PEX5L: variants seen among roughly 807,000 people sequenced by gnomAD.
The protein encoded by PEX5L is PEX5-related protein.
Under a neutral mutation model 84.0 loss-of-function variants are expected in PEX5L, and 30 were observed. The observed-to-expected ratio is 0.36, with a 90% CI of 0.27 to 0.48. PEX5L has a LOEUF of 0.48. Ranked by LOEUF, PEX5L falls within the 20% of genes least tolerant of loss-of-function variation. PEX5L has a pLI of 0.99. For synonymous variants in PEX5L, 270 were observed against 283.1 expected (o/e 0.95, Z 0.46); for missense variants, 533 against 754.6 (o/e 0.71, Z 3.44).
intron 2 of PEX5L, among the ~76,000 whole-genome samples, chr3:179,951,797 C>A (rs1243544090): frequency 6.6e-6 from 1 of 152,096 alleles, no homozygotes; most frequent in Non-Finnish European, 1.5e-5. Context: ...AAAAGAGGAG[C>A]AATGTTCATG....
intron 2 of PEX5L, among the ~76,000 whole-genome samples, chr3:179,920,746 A>C (rs188172421): frequency 6.6e-6 from 1 of 152,288 alleles, no homozygotes; most frequent in East Asian, 1.9e-4. Context: ...AGCCATATTA[A>C]TTTTGTTCAA....
At position 179,800,759 on chromosome 3, in the gene PEX5L, AAAT is replaced by A. The variant is rs1015613231; in HGVS notation, c.*1066_*1068del. On this transcript the variant is annotated 3_prime_UTR_variant, in exon 15 of 15. Transcript: ENST00000467460. Reference sequence around the variant, plus strand: ...CTAAGAAAACATAATTTTTAGGAAAAAATGTTATTTATCACTCTTAAGAAATAT... The same window carrying A: ...CTAAGAAAACATAATTTTTAGGAAAAGTTATTTATCACTCTTAAGAAATAT... 1 of 152,220 alleles carries A rather than the reference AAAT, an allele frequency of 6.6e-6. No individual in the cohort carries two copies. The highest frequency in any genetic ancestry group is 2.4e-5 in the African/African-American group (1 of 41,462). 9.4% of individuals were successfully genotyped at this position (152,220 alleles called of 1,614,324 possible). A position where few individuals can be genotyped will look rare whatever the true frequency, so the allele number is the denominator to read the frequency against.
chr3:179,908,712 T>C (rs1764124192), intron 2 of PEX5L, among the ~76,000 whole-genome samples: 1 of 150,550 alleles, frequency 6.6e-6, no homozygotes, highest in Non-Finnish European at 1.5e-5. Context: ...AGTGAGAATA[T>C]GTGGTGTTTG....
intron 3 of PEX5L, among the ~76,000 whole-genome samples, chr3:179,892,675 G>C (rs1174557322): frequency 6.6e-6 from 1 of 151,974 alleles, no homozygotes; most frequent in Non-Finnish European, 1.5e-5. Flanking sequence ...ACACACTTGA[G>C]CCCATTTCCT....
At chr3:179,964,154 C>T (rs1212097050) in intron 2 of PEX5L, among the ~76,000 whole-genome samples, 1 of 151,996 alleles carries the variant, frequency 6.6e-6, no homozygotes, top group East Asian at 1.9e-4. Flanking sequence ...ACCCTTCTCC[C>T]ACCCTCCACC....
chr3:179,970,948 G>C (rs905579421), intron 2 of PEX5L, among the ~76,000 whole-genome samples: 1 of 152,082 alleles, frequency 6.6e-6, no homozygotes, highest in African/African-American at 2.4e-5. Flanking sequence ...CAATTCAGTG[G>C]CATGGGCTGG....
intron 1 of PEX5L, among the ~76,000 whole-genome samples, chr3:180,030,304 T>C (rs1791336862): frequency 4.6e-5 from 7 of 152,166 alleles, no homozygotes; most frequent in Admixed American, 4.6e-4. Flanking sequence ...TGCTCACCCA[T>C]ATCTCTCCCT....
intron 1 of PEX5L, among the ~76,000 whole-genome samples, chr3:179,995,782 G>A (rs1787833943): frequency 6.6e-6 from 1 of 152,162 alleles, no homozygotes; most frequent in Non-Finnish European, 1.5e-5. Context: ...CTCTTATGAA[G>A]CAAGTGGCTG....
intron 1 of PEX5L, among the ~76,000 whole-genome samples, chr3:180,008,516 C>T (rs1789128476): frequency 6.6e-6 from 1 of 152,162 alleles, no homozygotes; most frequent in Admixed American, 6.5e-5. Context: ...AGAAACACCC[C>T]ACTCCTGGTA....
intron 2 of PEX5L, among the ~76,000 whole-genome samples, chr3:179,918,844 T>C (rs1768208895): frequency 6.6e-6 from 1 of 152,204 alleles, no homozygotes; most frequent in Admixed American, 6.5e-5. Flanking sequence ...CTACAATTGG[T>C]GTGTATCTGT....
chr3:179,875,513 C>CTGGGGGG, intron 5 of PEX5L, 36 bp from the exon 6 acceptor site: 2 of 1,197,452 alleles, frequency 1.7e-6, no homozygotes, highest in Non-Finnish European at 1.1e-6. Flanking sequence ...AGGCAGGTGG[C>CTGGGGGG]GGCAGGGCGG....
chr3:179,872,716 G>A (rs902531174), intron 7 of PEX5L, among the ~76,000 whole-genome samples: 8 of 152,138 alleles, frequency 5.3e-5, no homozygotes, highest in East Asian at 1.9e-4. Context: ...CAGCCCACCT[G>A]TGCCAAGTCT....
chr3:179,985,431 C>A (rs1786724885), intron 1 of PEX5L, among the ~76,000 whole-genome samples: 1 of 137,630 alleles, frequency 7.3e-6, no homozygotes, highest in Non-Finnish European at 1.6e-5. Context: ...AGCCAAAGCT[C>A]ATTCTGTATA....
chr3:179,970,388 A>G (rs148519985), intron 2 of PEX5L, among the ~76,000 whole-genome samples: 2 of 152,226 alleles, frequency 1.3e-5, no homozygotes, highest in East Asian at 3.9e-4. Context: ...AGTAGATCAC[A>G]TGGGCTACAG....
At chr3:179,879,101 C>A (rs1290297470) in intron 5 of PEX5L, among the ~76,000 whole-genome samples, 1 of 152,146 alleles carries the variant, frequency 6.6e-6, no homozygotes, top group African/African-American at 2.4e-5. Flanking sequence ...AATGTATATA[C>A]AATATTCACC....
intron 2 of PEX5L, among the ~76,000 whole-genome samples, chr3:179,940,720 C>T (rs753781351): frequency 6.6e-6 from 1 of 152,178 alleles, no homozygotes; most frequent in Non-Finnish European, 1.5e-5. Context: ...TCCTTAAGAA[C>T]AACATGGATC....
intron 8 of PEX5L, among the ~76,000 whole-genome samples, chr3:179,831,043 C>T (rs1305487652): frequency 1.3e-5 from 2 of 152,070 alleles, no homozygotes; most frequent in African/African-American, 2.4e-5. Context: ...TATGGCTGGG[C>T]ACGGTGGCTC....
chr3:179,956,797 C>T (rs1022817657), intron 2 of PEX5L, among the ~76,000 whole-genome samples: 3 of 152,144 alleles, frequency 2.0e-5, no homozygotes, highest in East Asian at 1.9e-4. Flanking sequence ...TGATGCTTAA[C>T]GGTGCATCCG....
At chr3:179,874,499 T>TAATTTGGATCATTGAAAGCC in intron 6 of PEX5L, 76 bp from the exon 7 acceptor site, 2 of 762,178 alleles carry the variant, frequency 2.6e-6, no homozygotes, top group East Asian at 5.2e-5. Flanking sequence ...AGAAACTAGG[T>TAATTTGGATCATTGAAAGCC]AATTTGGATC....
Sources: allele counts gnomAD v4.1 joint callset (sites outside exome capture counted in the v4.1 genomes callset), GRCh38; gene constraint gnomAD v4.1.1; transcripts MANE v1.5; gene names NCBI Gene and HGNC (gene_info 2026-07-23, HGNC 2026-07-21).